The following UPP2 variants were observed in gnomAD, a reference collection of about 807,000 sequenced individuals.
UPP2 encodes the protein uridine phosphorylase 2.
In UPP2, 23 loss-of-function variants were observed where a neutral mutation model predicts 26.7. That is an observed-to-expected ratio of 0.86 (90% CI 0.62 to 1.22). The LOEUF (loss-of-function observed/expected upper bound fraction) is 1.22, where lower values mean the gene tolerates loss of function less well. Ranked by LOEUF, UPP2 falls within the 50% of genes most tolerant of loss-of-function variation. The probability of loss-of-function intolerance (pLI) is 0.00; values close to 1 mark genes in which losing one functional copy is unlikely to be tolerated. For missense variants in UPP2, 387 were observed against 396.7 expected (o/e 0.98, Z 0.21); for synonymous variants, 127 against 141.3 (o/e 0.90, Z 0.72).
chr2:158,083,637 T>C (rs1682763974), intron 3 of UPP2, among the ~76,000 whole-genome samples: 1 of 151,768 alleles, frequency 6.6e-6, no homozygotes. Flanking sequence ...CAAACCACCA[T>C]GGCATGTGCA....
upstream of UPP2, among the ~76,000 whole-genome samples, chr2:158,101,266 A>G (rs770231472): frequency 6.6e-5 from 10 of 152,204 alleles, no homozygotes; most frequent in Non-Finnish European, 1.2e-4. Context: ...TAGTGAATTC[A>G]TGCCTTTCTT....
chr2:158,053,441 G>A (rs1028845923), intron 3 of UPP2, among the ~76,000 whole-genome samples: 1 of 152,124 alleles, frequency 6.6e-6, no homozygotes, highest in Non-Finnish European at 1.5e-5. Context: ...GTTATCCAGA[G>A]TTCAATTTCA....
intron 3 of UPP2, among the ~76,000 whole-genome samples, chr2:158,018,900 G>A (rs569941176): frequency 1.3e-5 from 2 of 152,246 alleles, no homozygotes; most frequent in African/African-American, 4.8e-5. Flanking sequence ...GGAGGTGGTA[G>A]ACAAATCCAC....
At chr2:158,123,179 G>GCGA (rs1190886455) in intron 5 of UPP2, among the ~76,000 whole-genome samples, 4 of 152,122 alleles carry the variant, frequency 2.6e-5, no homozygotes, top group African/African-American at 9.7e-5. Flanking sequence ...CTGAAATTCA[G>GCGA]TGATGAATGA....
intron 3 of UPP2, among the ~76,000 whole-genome samples, chr2:158,068,650 T>C (rs1335596307): frequency 6.6e-6 from 1 of 150,658 alleles, no homozygotes; most frequent in Non-Finnish European, 1.5e-5. Context: ...CAGATGCTTG[T>C]GTGGGCCCAG....
chr2:158,128,842 A>G (rs1162685735), intron 6 of UPP2, among the ~76,000 whole-genome samples: 2 of 152,188 alleles, frequency 1.3e-5, no homozygotes, highest in South Asian at 4.1e-4. Flanking sequence ...GGCTGAGCAC[A>G]TACCAATTGA....
At chr2:158,133,362 T>C (rs1376584661) in intron 6 of UPP2, among the ~76,000 whole-genome samples, 3 of 152,200 alleles carry the variant, frequency 2.0e-5, no homozygotes, top group Non-Finnish European at 4.4e-5. Context: ...TACCAGAGTA[T>C]AGGGGAGCAG....
At chr2:158,026,718 T>C (rs915161703) in intron 3 of UPP2, among the ~76,000 whole-genome samples, 2 of 152,162 alleles carry the variant, frequency 1.3e-5, no homozygotes, top group East Asian at 1.9e-4. Flanking sequence ...ATATAAAATA[T>C]AACAGGCAAG....
intron 3 of UPP2, among the ~76,000 whole-genome samples, chr2:158,024,028 T>C (rs1683796886): frequency 6.6e-6 from 1 of 152,236 alleles, no homozygotes; most frequent in Non-Finnish European, 1.5e-5. Flanking sequence ...TTGTTAGAAC[T>C]TGAATGTGCA....
At chr2:158,079,806 G>A (rs1376662891) in intron 3 of UPP2, among the ~76,000 whole-genome samples, 1 of 152,126 alleles carries the variant, frequency 6.6e-6, no homozygotes, top group African/African-American at 2.4e-5. Flanking sequence ...TAAGTTCTAT[G>A]CTGCCTCATT....
chr2:158,063,958 G>A (rs1240035371), intron 3 of UPP2, among the ~76,000 whole-genome samples: 5 of 152,166 alleles, frequency 3.3e-5, no homozygotes, highest in Admixed American at 3.3e-4. Context: ...AGTATTCCAT[G>A]GTGTATATGT....
intron 3 of UPP2, among the ~76,000 whole-genome samples, chr2:158,085,831 CCT>C (rs1273893425): frequency 2.0e-5 from 3 of 151,522 alleles, no homozygotes; most frequent in Non-Finnish European, 4.4e-5. Flanking sequence ...TTAAACCATC[CCT>C]GCATCCCTGG....
chr2:158,048,267 G>A (rs2105169222), intron 3 of UPP2, among the ~76,000 whole-genome samples: 1 of 152,320 alleles, frequency 6.6e-6, no homozygotes, highest in Admixed American at 6.5e-5. Flanking sequence ...TTTCCTGAGT[G>A]GGGCCCCCAT....
intron 3 of UPP2, among the ~76,000 whole-genome samples, chr2:158,065,038 A>G (rs538656268): frequency 6.6e-6 from 1 of 152,250 alleles, no homozygotes; most frequent in South Asian, 2.1e-4. Flanking sequence ...CCGAATAGGA[A>G]CAGCTCCGGT....
chr2:158,110,006 G>C (rs187295846), intron 2 of UPP2, among the ~76,000 whole-genome samples: 2 of 152,142 alleles, frequency 1.3e-5, no homozygotes, highest in East Asian at 3.9e-4. Context: ...TGGAAAAGAA[G>C]AAATATTTTT....
chr2:158,123,016 C>T (rs1683604001), intron 5 of UPP2, among the ~76,000 whole-genome samples: 1 of 152,150 alleles, frequency 6.6e-6, no homozygotes, highest in Non-Finnish European at 1.5e-5. Flanking sequence ...TAATGGATGG[C>T]AACAGAGTGC....
At chr2:158,065,219 A>G (rs973079359) in intron 3 of UPP2, among the ~76,000 whole-genome samples, 9 of 152,204 alleles carry the variant, frequency 5.9e-5, no homozygotes, top group African/African-American at 1.7e-4. Context: ...GTAGAAATTC[A>G]TTACTACTCT....
intron 2 of UPP2, among the ~76,000 whole-genome samples, chr2:157,996,653 C>A (rs1045483537): frequency 1.3e-5 from 2 of 152,140 alleles, no homozygotes; most frequent in African/African-American, 4.8e-5. Flanking sequence ...GAAAACCAAC[C>A]TTTTGAGTAA....
chr2:158,053,667 A>G (rs1682194630), intron 3 of UPP2, among the ~76,000 whole-genome samples: 2 of 152,186 alleles, frequency 1.3e-5, no homozygotes. Context: ...CTTTGGCAGA[A>G]TTGTTAACAT....
Sources: allele counts gnomAD v4.1 joint callset (sites outside exome capture counted in the v4.1 genomes callset), GRCh38; gene constraint gnomAD v4.1.1; transcripts MANE v1.5; gene names NCBI Gene and HGNC (gene_info 2026-07-23, HGNC 2026-07-21).